Variants in TEX11 observed in about 807,000 individuals in gnomAD.
TEX11 encodes testis-expressed protein 11.
Under a neutral mutation model 84.4 loss-of-function variants are expected in TEX11, and 7 were observed. That is an observed-to-expected ratio of 0.08 (90% CI 0.05 to 0.16). TEX11 has a LOEUF of 0.16. TEX11 is among the 10% of genes least tolerant of loss of function. The pLI is 1.00. For missense variants in TEX11, 551 were observed against 660.5 expected (o/e 0.83, Z 1.82); for synonymous variants, 264 against 222.8 (o/e 1.18, Z -1.64).
At chrX:70,669,669 A>G (rs2090005452) in intron 16 of TEX11, among the ~76,000 whole-genome samples, 2 of 112,983 alleles carry the variant, frequency 1.8e-5, no homozygotes, top group African/African-American at 6.4e-5. Context: ...ATTACCCTTA[A>G]TCACCTAGGT....
intron 9 of TEX11, among the ~76,000 whole-genome samples, chrX:70,750,379 T>C (rs2147756078): frequency 9.0e-6 from 1 of 111,403 alleles, no homozygotes; most frequent in Admixed American, 9.5e-5. Context: ...TCCTCAGGGA[T>C]CTAGAACTGG....
At position 70,572,483 on chromosome X, in the gene TEX11, C is replaced by G. The variant is rs754637557; in HGVS notation, c.2141-17683G>C. On this transcript the variant is annotated intron_variant, in intron 25 of 29. Coordinates refer to ENST00000374333, the MANE Select transcript of TEX11 (RefSeq NM_031276.3). ...CTAGAACTAGAAATACCATTTGACC[C>G]AGCCATCCCATTACTGAGTATATAC... 2.8e-3 allele frequency among the ~76,000 whole-genome samples: 308 copies of G among 111,162 alleles called. 3 individuals are homozygous for G. Among genetic ancestry groups the G allele is most frequent in the African/African-American group, 9.4e-3 (289 of 30,660 alleles).
At chrX:70,625,501 T>A (rs755271524) in intron 18 of TEX11, among the ~76,000 whole-genome samples, 1 of 111,521 alleles carries the variant, frequency 9.0e-6, no homozygotes, top group East Asian at 2.8e-4. Context: ...GTAGCTGTTT[T>A]TGCTCTCACT....
chrX:70,906,556 G>C (rs1435495382), intron 2 of TEX11, among the ~76,000 whole-genome samples: 1 of 111,211 alleles, frequency 9.0e-6, no homozygotes, highest in Non-Finnish European at 1.9e-5. Context: ...GGGAGGCCGA[G>C]GCAGGTGTAT....
chrX:70,730,436 C>T (rs1249027438), intron 11 of TEX11, among the ~76,000 whole-genome samples: 1 of 111,244 alleles, frequency 9.0e-6, no homozygotes, highest in Non-Finnish European at 1.9e-5. Context: ...CACATAGGCT[C>T]AAAATAAAGG....
At chrX:70,582,743 TTTATTTATTTATTTATTTA>T (rs2088794865) in intron 25 of TEX11, among the ~76,000 whole-genome samples, 1 of 60,610 alleles carries the variant, frequency 1.6e-5, no homozygotes, top group Non-Finnish European at 3.1e-5. Flanking sequence ...TATTTATTTA[TTTATTTATTTATTTATTTA>T]TGTGATGGAA....
Position 70,740,811 on chromosome X carries a change from A to AG in TEX11, c.748-16_748-15insC. The AG allele has an allele frequency of 9.1e-7, 1 of 1,100,894 alleles. No homozygotes were observed. The highest frequency in any genetic ancestry group is 1.2e-6 in the Non-Finnish European group (1 of 815,478). 90.7% of individuals were successfully genotyped at this position (1,100,894 alleles called of 1,213,427 possible). On this transcript the variant is annotated splice_polypyrimidine_tract_variant and intron_variant, in intron 10 of 29. Transcript: ENST00000374333. ...AGAACTTTAGCCTGTAAGAAAAAAA[A>AG]AAAGAAAAAAAGCACATATCTGATG...
At chrX:70,818,148 G>T (rs1014802667) in intron 8 of TEX11, among the ~76,000 whole-genome samples, 1 of 110,458 alleles carries the variant, frequency 9.1e-6, no homozygotes, top group East Asian at 2.9e-4. Flanking sequence ...AATTATCCAG[G>T]CGTGGTGACG....
intron 8 of TEX11, among the ~76,000 whole-genome samples, chrX:70,807,107 G>A (rs2091223793): frequency 8.9e-6 from 1 of 112,437 alleles, no homozygotes. Context: ...AACAGGAAAT[G>A]AGAAACCCAA....
intron 16 of TEX11, among the ~76,000 whole-genome samples, chrX:70,661,210 G>T (rs1167047073): frequency 1.8e-5 from 2 of 112,179 alleles, no homozygotes; most frequent in African/African-American, 6.5e-5. Flanking sequence ...CTTAGCAAAC[G>T]GCACACCAGG....
chrX:70,873,941 T>C (rs2091642369), intron 3 of TEX11, among the ~76,000 whole-genome samples: 1 of 111,621 alleles, frequency 9.0e-6, no homozygotes, highest in Admixed American at 9.6e-5. Flanking sequence ...TGATCCCCAA[T>C]GTTGGATGTG....
chrX:70,908,509 G>T (rs1201675428), intron 1 of TEX11, 145 bp downstream of exon 1: 1 of 112,547 alleles, frequency 8.9e-6, no homozygotes, highest in Non-Finnish European at 1.9e-5. Flanking sequence ...GCGACGAGCA[G>T]TTCTGTAGTA....
At chrX:70,777,192 T>C (rs1254809564) in intron 9 of TEX11, among the ~76,000 whole-genome samples, 3 of 109,815 alleles carry the variant, frequency 2.7e-5, no homozygotes, top group Admixed American at 9.8e-5. Flanking sequence ...TTCAATTTGT[T>C]TAAAATTCAA....
At chrX:70,726,965 C>G (rs1416559784) in intron 11 of TEX11, among the ~76,000 whole-genome samples, 1 of 111,135 alleles carries the variant, frequency 9.0e-6, no homozygotes, top group African/African-American at 3.3e-5. Flanking sequence ...TCCCAATGTG[C>G]TGGGATTATA....
chrX:70,843,766 A>T (rs978327063), intron 7 of TEX11, among the ~76,000 whole-genome samples: 5 of 112,092 alleles, frequency 4.5e-5, no homozygotes, highest in Non-Finnish European at 9.4e-5. Flanking sequence ...TTACAAGAAA[A>T]AAACTAACAA....
intron 2 of TEX11, among the ~76,000 whole-genome samples, chrX:70,895,319 T>A (rs1034991278): frequency 1.8e-5 from 2 of 111,433 alleles, no homozygotes; most frequent in Non-Finnish European, 1.9e-5. Flanking sequence ...TTACAAGGAA[T>A]GTGAAGGATC....
intron 14 of TEX11, among the ~76,000 whole-genome samples, chrX:70,679,150 G>A (rs1403118729): frequency 8.9e-6 from 1 of 112,855 alleles, no homozygotes. Flanking sequence ...TGTGTTGGCT[G>A]GGCTGGTCTC....
chrX:70,810,805 A>G (rs1454569646), intron 8 of TEX11, among the ~76,000 whole-genome samples: 1 of 111,071 alleles, frequency 9.0e-6, no homozygotes, highest in Non-Finnish European at 1.9e-5. Flanking sequence ...AAAAAAAGTA[A>G]ACCCCATACT....
intron 24 of TEX11, among the ~76,000 whole-genome samples, chrX:70,599,969 T>A (rs912162434): frequency 2.7e-5 from 3 of 110,369 alleles, no homozygotes; most frequent in Admixed American, 1.9e-4. Context: ...GAATAATGCC[T>A]CAATAAACAT....
Sources: gnomAD v4.1 joint callset for allele counts (sites outside exome capture counted in the v4.1 genomes callset) on GRCh38, gnomAD v4.1.1 for gene constraint, MANE v1.5 for transcripts, NCBI Gene and HGNC (gene_info 2026-07-23, HGNC 2026-07-21) for gene names.